COX4I2: variants seen among roughly 807,000 people sequenced by gnomAD.
COX4I2 encodes cytochrome c oxidase subunit 4 isoform 2, mitochondrial.
In COX4I2, 15 loss-of-function variants were observed where a neutral mutation model predicts 20.8. The observed-to-expected ratio is 0.72, with a 90% confidence interval of 0.48 to 1.11. The LOEUF (loss-of-function observed/expected upper bound fraction) is 1.11, where lower values mean the gene tolerates loss of function less well. Among genes scored for constraint, COX4I2 ranks in the 50% most tolerant of loss-of-function variants. COX4I2 has a pLI of 0.00. For missense variants in COX4I2, 224 were observed against 223.0 expected (o/e 1.00, Z -0.03); for synonymous variants, 80 against 78.1 (o/e 1.02, Z -0.13).
At position 31,644,690 on chromosome 20, in the gene COX4I2, G is replaced by A; in HGVS notation, c.380-78G>A. ...CCGTCAGCCTTGCGAGTGGCTGGGA[G>A]GCTACAGGGTGGCTGGAGACCCTGG... is the stretch of plus-strand genomic sequence containing the variant. On this transcript the variant is annotated intron_variant, in intron 4 of 4. Transcript: ENST00000376075. 2.6e-6 allele frequency: 4 copies of A among 1,560,718 alleles called. No homozygotes were observed. The South Asian group carries it at 4.5e-5, about 17-fold the overall frequency.
intron 4 of COX4I2, 85 bp from the exon 5 acceptor site, chr20:31,644,683 G>C (rs1369630347): frequency 6.6e-7 from 1 of 1,520,542 alleles, no homozygotes; most frequent in East Asian, 2.3e-5. Context: ...CTTGCGAGTG[G>C]CTGGGAGGCT....
intron 1 of COX4I2, 96 bp from the exon 2 acceptor site, chr20:31,638,922 C>A: frequency 1.6e-6 from 2 of 1,254,556 alleles, no homozygotes; most frequent in Non-Finnish European, 2.3e-6. Context: ...CCTACCACTA[C>A]CATACCAGTG....
intron 4 of COX4I2, 70 bp from the exon 5 acceptor site, chr20:31,644,679 AGTGGCTGGGAGGCTACAGG>A: frequency 1.3e-6 from 2 of 1,484,012 alleles, no homozygotes; most frequent in Non-Finnish European, 1.9e-6. Context: ...CAGCCTTGCG[AGTGGCTGGGAGGCTACAGG>A]GTGGCTGGAG....
intron 4 of COX4I2, among the ~76,000 whole-genome samples, chr20:31,643,880 A>G (rs1262312311): frequency 6.6e-6 from 1 of 152,162 alleles, no homozygotes; most frequent in African/African-American, 2.4e-5. Context: ...TTCAGTGTAT[A>G]TATATACTGA....
At chr20:31,639,406 T>C (rs2060453772) in intron 2 of COX4I2, 2 of 452,894 alleles carry the variant, frequency 4.4e-6, no homozygotes, top group Non-Finnish European at 5.8e-6. Flanking sequence ...ATTCCTCCTT[T>C]CCAGACCCTA....
intron 2 of COX4I2, 58 bp from the exon 3 acceptor site, chr20:31,639,875 T>G: frequency 1.3e-6 from 2 of 1,594,192 alleles, no homozygotes; most frequent in Non-Finnish European, 1.7e-6. Flanking sequence ...ATTAATATAG[T>G]TAGAGATAGG....
chr20:31,640,194 A>T, intron 3 of COX4I2, 97 bp downstream of exon 3: 1 of 1,336,100 alleles, frequency 7.5e-7, no homozygotes, highest in Non-Finnish European at 1.0e-6. Context: ...AGAGGCCCCC[A>T]AGACAGCCAG....
intron 3 of COX4I2, among the ~76,000 whole-genome samples, 139 bp from the exon 4 acceptor site, chr20:31,643,238 ATCTGGCTCATTCACTGCTGTCACCTGT>A (rs2060477959): frequency 6.6e-6 from 1 of 152,152 alleles, no homozygotes; most frequent in African/African-American, 2.4e-5. Flanking sequence ...AGGGATTTTC[ATCTGGCTCATTCACTGCTGTCACCTGT>A]TCCTGGTCAT....
chr20:31,639,907 C>G (rs1440581704), intron 2 of COX4I2, 26 bp from the exon 3 acceptor site: 1 of 1,613,768 alleles, frequency 6.2e-7, no homozygotes, highest in African/African-American at 1.3e-5. Context: ...GCAGCCTGGA[C>G]TCAGCTCCCT....
rs1388334109 is a variant in COX4I2, at chr20:31,643,456, T to A, written c.300T>A (p.Asn100Lys). ...ETFAEMNRRS[N>K]EWKTVMGCVF... The stretch of plus-strand genomic sequence containing the variant: ...TTGCGGAGATGAACCGTCGCTCCAA[T>A]GAGTGGAAGACAGTGATGGGTTGTG... Residue 100 changes from asparagine (N) to lysine (K), a missense_variant, in exon 4 of 5, where the codon AAT becomes AAA. Physicochemically the swap from Asn to Lys is moderately conservative, Grantham distance 94. Coordinates refer to ENST00000376075, the MANE Select transcript of COX4I2 (RefSeq NM_032609.3). 2 of 1,614,148 alleles carry A rather than the reference T, an allele frequency of 1.2e-6. No individual in the cohort carries two copies. The highest frequency in any genetic ancestry group is 1.7e-6 in the Non-Finnish European group (2 of 1,180,006).
Position 31,643,291 on chromosome 20 carries a change from C to T in COX4I2, c.248-113C>T, listed in dbSNP as rs2060478346. 18 of 1,218,574 alleles carry T rather than the reference C, an allele frequency of 1.5e-5. 1 individual carries two copies. Among genetic ancestry groups the T allele is most frequent in the South Asian group, 3.6e-5 (3 of 82,530 alleles). The allele number at this position is 1,218,574 out of a possible 1,614,324, so 75.5% of individuals were successfully genotyped here. ...TCCTGGTCATGCTGTGCATATAGTACGTGCTCAGTAAGAATTTGCTGAATG... is the reference window on the plus strand; with the variant it reads ...TCCTGGTCATGCTGTGCATATAGTATGTGCTCAGTAAGAATTTGCTGAATG... On this transcript the variant is annotated intron_variant, in intron 3 of 4. Transcript: ENST00000376075.
Position 31,644,800 on chromosome 20 carries a change from G to T in COX4I2, c.412G>T (p.Glu138Ter), listed in dbSNP as rs119455950. The change falls in exon 5 of 5, where the codon GAG becomes TAG. Residue 138 changes from glutamate to a stop codon, truncating the protein, a stop_gained. Transcript: ENST00000376075. LOFTEE classifies it high-confidence loss of function. ...TCCAAAGCCGATCACCTTGACGGACGAGCGGAAAGCCCAGCAGCTGCAGCG... is the reference window on the plus strand; with the variant it reads ...TCCAAAGCCGATCACCTTGACGGACTAGCGGAAAGCCCAGCAGCTGCAGCG... Reference protein sequence around the residue: ...FPPKPITLTDERKAQQLQRML... With the variant: ...FPPKPITLTD The T allele has an allele frequency of 1.2e-6, 2 of 1,614,060 alleles. No homozygotes were observed. Among genetic ancestry groups the T allele is most frequent in the Non-Finnish European group, 1.7e-6 (2 of 1,180,004 alleles).
At chr20:31,643,972 G>T (rs1440009246) in intron 4 of COX4I2, among the ~76,000 whole-genome samples, 1 of 152,042 alleles carries the variant, frequency 6.6e-6, no homozygotes, top group Non-Finnish European at 1.5e-5. Flanking sequence ...CACCACGCCC[G>T]GCTAATTTTT....
intron 3 of COX4I2, among the ~76,000 whole-genome samples, chr20:31,641,866 A>AT (rs112080894): frequency 0.031 from 4,580 of 145,892 alleles, 228 homozygotes; most frequent in African/African-American, 0.1. Context: ...ACACCTGGCT[A>AT]TTTTTTTTTT....
chr20:31,639,021 C>G lies in COX4I2; in HGVS notation c.4C>G (p.Leu2Val). The change falls in exon 2 of 5, where the codon CTC becomes GTC. Residue 2 changes from leucine to valine, a missense_variant. Transcript: ENST00000376075. ...ATCTATACCTTCACGCCCCCAGATG[C>G]TCCCCAGAGCTGCCTGGAGCTTGGT... MLPRAAWSLVLR... is the reference protein window; with the variant it reads MVPRAAWSLVLR... 6.2e-7 allele frequency: 1 copy of G among 1,610,316 alleles called. No homozygotes were observed. The highest frequency in any genetic ancestry group is 8.5e-7 in the Non-Finnish European group (1 of 1,178,608).
rs2060477200 is a variant in COX4I2 at position 31,643,043 on chromosome 20, C to G, written c.248-361C>G. 2.0e-5 allele frequency among the ~76,000 whole-genome samples: 3 copies of G among 152,234 alleles called. No homozygotes were observed. The South Asian group carries it at 6.2e-4, about 32-fold the overall frequency. On this transcript the variant is annotated intron_variant, in intron 3 of 4. Coordinates refer to ENST00000376075, the MANE Select transcript of COX4I2 (RefSeq NM_032609.3). ...ACTCCAGCTACAGTGGTCCTCACTT[C>G]ACACTTTCCCTACCCACTTCCTGCT...
At chr20:31,643,645 A>C (rs561251457) in intron 4 of COX4I2, 110 bp downstream of exon 4, 12 of 1,370,754 alleles carry the variant, frequency 8.8e-6, no homozygotes, top group African/African-American at 1.4e-5. Context: ...AAGAGCTGAA[A>C]ATTTCTGAAG....
Position 31,640,054 on chromosome 20 carries a change from G to T in COX4I2, c.204G>T (p.Glu68Asp). The T allele has an allele frequency of 6.2e-7, 1 of 1,613,642 alleles. No homozygotes were observed. Among genetic ancestry groups the T allele is most frequent in the South Asian group, 1.1e-5 (1 of 91,078 alleles). ...AGGAGCAGGCCCTGAAGGAGAAGGA[G>T]AAGGGAAGCTGGACCCAGCTGACCC... Reference protein sequence around the residue: ...NAEEQALKEKEKGSWTQLTHA... With the variant: ...NAEEQALKEKDKGSWTQLTHA... The change falls in exon 3 of 5, where the codon GAG becomes GAT. Residue 68 changes from glutamate (E) to aspartate (D), a missense_variant. Glu to Asp is a conservative substitution (Grantham distance 45, BLOSUM62 2). Coordinates refer to ENST00000376075, the MANE Select transcript of COX4I2 (RefSeq NM_032609.3).
At chr20:31,643,263 T>C (rs1417064906) in intron 3 of COX4I2, 141 bp from the exon 4 acceptor site, 5 of 985,070 alleles carry the variant, frequency 5.1e-6, no homozygotes, top group Non-Finnish European at 8.1e-6. Context: ...TGCTGTCACC[T>C]GTTCCTGGTC....
Sources: gnomAD v4.1 joint callset for allele counts (sites outside exome capture counted in the v4.1 genomes callset) on GRCh38, gnomAD v4.1.1 for gene constraint, MANE v1.5 for transcripts, NCBI Gene and HGNC (gene_info 2026-07-23, HGNC 2026-07-21) for gene names.